The following SULF1 variants were observed in gnomAD, a reference collection of about 807,000 sequenced individuals.
SULF1 encodes extracellular sulfatase Sulf-1.
In SULF1, 46 loss-of-function variants were observed where a neutral mutation model predicts 110.5. The observed-to-expected ratio is 0.42, with a 90% CI of 0.33 to 0.53. The LOEUF is 0.53. Among genes scored for constraint, SULF1 ranks in the 20% least tolerant of loss-of-function variants. The pLI is 0.12. For synonymous variants in SULF1, 371 were observed against 387.1 expected, an observed-to-expected ratio of 0.96 and a Z score of 0.49; for missense variants, 941 against 1,094.2, an observed-to-expected ratio of 0.86 and a Z score of 1.98.
intron 21 of SULF1, among the ~76,000 whole-genome samples, chr8:69,640,459 T>A (rs543041916): frequency 3.9e-4 from 60 of 152,342 alleles, no homozygotes; most frequent in African/African-American, 1.3e-3. Flanking sequence ...GCCCGTTTTT[T>A]TCCAATGTTT....
chr8:69,516,628 C>A (rs1313109172), intron 3 of SULF1, among the ~76,000 whole-genome samples: 1 of 152,132 alleles, frequency 6.6e-6, no homozygotes, highest in Non-Finnish European at 1.5e-5. Context: ...AAAATGAAAC[C>A]ATAAATAATT....
intron 12 of SULF1, among the ~76,000 whole-genome samples, chr8:69,604,157 TC>T (rs1563576730): frequency 6.6e-6 from 1 of 152,120 alleles, no homozygotes; most frequent in African/African-American, 2.4e-5. Flanking sequence ...CGACTCCACA[TC>T]CCCCAAAAAG....
At chr8:69,657,953 A>G (rs1312071500) in intron 22 of SULF1, among the ~76,000 whole-genome samples, 1 of 152,192 alleles carries the variant, frequency 6.6e-6, no homozygotes, top group Non-Finnish European at 1.5e-5. Flanking sequence ...CAATCAAAGA[A>G]ATAAATCCAG....
intron 6 of SULF1, among the ~76,000 whole-genome samples, chr8:69,578,169 T>G (rs950431113): frequency 3.3e-5 from 5 of 152,162 alleles, no homozygotes; most frequent in African/African-American, 4.8e-5. Context: ...TAAGCATGTT[T>G]CCTGGTACTT....
chr8:69,627,684 A>T (rs1810203729), intron 16 of SULF1, 88 bp from the exon 17 acceptor site: 3 of 885,140 alleles, frequency 3.4e-6, no homozygotes, highest in Non-Finnish European at 5.4e-6. Context: ...CTGTTATTAC[A>T]GAACAGAGAA....
At chr8:69,526,831 AAGGAAGGAAGGG>A (rs1302758516) in intron 3 of SULF1, among the ~76,000 whole-genome samples, 1,708 of 143,998 alleles carry the variant, frequency 0.012, 35 homozygotes, top group African/African-American at 0.043. Flanking sequence ...GGAAGGAAGG[AAGGAAGGAAGGG>A]AGGAAGGAAG....
intron 8 of SULF1, among the ~76,000 whole-genome samples, chr8:69,593,888 T>G (rs1807088773): frequency 6.6e-6 from 1 of 152,134 alleles, no homozygotes; most frequent in Non-Finnish European, 1.5e-5. Context: ...TACTTCTCTC[T>G]CCTCGCCTCA....
intron 8 of SULF1, among the ~76,000 whole-genome samples, chr8:69,599,183 TC>T (rs1807582136): frequency 1.3e-5 from 2 of 152,176 alleles, no homozygotes; most frequent in Non-Finnish European, 2.9e-5. Flanking sequence ...AGTGACTGAT[TC>T]TTTCCCTAGT....
chr8:69,502,820 T>G (rs540832901), intron 3 of SULF1, among the ~76,000 whole-genome samples: 1 of 151,922 alleles, frequency 6.6e-6, no homozygotes, highest in Non-Finnish European at 1.5e-5. Context: ...CCCGATTAGC[T>G]GGGATTACAG....
intron 12 of SULF1, 91 bp from the exon 13 acceptor site, chr8:69,604,712 T>A: frequency 6.6e-7 from 1 of 1,518,992 alleles, no homozygotes; most frequent in East Asian, 2.3e-5. Context: ...TGTGGAGTCA[T>A]GTGACAGGGT....
intron 3 of SULF1, among the ~76,000 whole-genome samples, chr8:69,526,838 G>T (rs1193462659): frequency 1.4e-5 from 2 of 143,358 alleles, no homozygotes; most frequent in Non-Finnish European, 3.0e-5. Flanking sequence ...AGGAAGGAAG[G>T]AAGGGAGGAA....
chr8:69,533,291 G>T (rs1455460486), intron 3 of SULF1, among the ~76,000 whole-genome samples: 1 of 152,138 alleles, frequency 6.6e-6, no homozygotes, highest in African/African-American at 2.4e-5. Context: ...GGACGTGCAG[G>T]TTTGTTACAC....
intron 3 of SULF1, among the ~76,000 whole-genome samples, chr8:69,561,150 A>C (rs751339352): frequency 6.2e-4 from 95 of 152,230 alleles, no homozygotes; most frequent in Non-Finnish European, 1.2e-3. Context: ...AAAAAATGAT[A>C]AGCATGTGAG....
intron 18 of SULF1, among the ~76,000 whole-genome samples, 177 bp downstream of exon 18, chr8:69,628,413 C>T (rs1221917633): frequency 2.6e-5 from 4 of 152,134 alleles, no homozygotes; most frequent in East Asian, 3.9e-4. Flanking sequence ...ACCAAGGGAC[C>T]GTGGCAATGC....
At chr8:69,536,695 T>C (rs12541962) in intron 3 of SULF1, among the ~76,000 whole-genome samples, 17,271 of 152,196 alleles carry the variant, frequency 0.11, 1,841 homozygotes, top group East Asian at 0.41. Flanking sequence ...TTTTCCTTTT[T>C]CGAGGAATCC....
intron 22 of SULF1, among the ~76,000 whole-genome samples, chr8:69,648,963 C>T (rs914168010): frequency 7.2e-5 from 11 of 152,142 alleles, no homozygotes; most frequent in East Asian, 1.9e-4. Flanking sequence ...TTTCTGTTTC[C>T]GGGATTGGGG....
In SULF1 at chr8:69,659,001, T is replaced by C. The variant is rs778677607; in HGVS notation, c.*466T>C. On this transcript the variant is annotated 3_prime_UTR_variant, in exon 23 of 23. Transcript: ENST00000402687. ...AATGGACGGGGCATGAAGAGACTAA[T>C]CATCTGGAAACCGATTTCAGTGGCG... 2 of 457,414 alleles carry C rather than the reference T, an allele frequency of 4.4e-6. No individual in the cohort carries two copies. Among genetic ancestry groups the C allele is most frequent in the South Asian group, 3.1e-5 (2 of 64,574 alleles). The allele number at this position is 457,414 out of a possible 1,614,324, so 28.3% of individuals were successfully genotyped here.
At chr8:69,528,232 C>T (rs1286732756) in intron 3 of SULF1, among the ~76,000 whole-genome samples, 1 of 152,166 alleles carries the variant, frequency 6.6e-6, no homozygotes, top group East Asian at 1.9e-4. Flanking sequence ...TTCCCCACCA[C>T]TGAATTCAAA....
chr8:69,540,175 G>C (rs1813765285), intron 3 of SULF1, among the ~76,000 whole-genome samples: 1 of 152,072 alleles, frequency 6.6e-6, no homozygotes, highest in African/African-American at 2.4e-5. Flanking sequence ...TGGAAAGAGA[G>C]GATACATATG....
Sources: allele counts gnomAD v4.1 joint callset (sites outside exome capture counted in the v4.1 genomes callset), GRCh38; gene constraint gnomAD v4.1.1; transcripts MANE v1.5; gene names NCBI Gene and HGNC (gene_info 2026-07-23, HGNC 2026-07-21).